Variants in TMEM266 observed in about 807,000 individuals in gnomAD.
TMEM266 encodes the protein Hv1 related protein 1.
Under a neutral mutation model 50.5 loss-of-function variants are expected in TMEM266, and 33 were observed. That is an observed-to-expected ratio of 0.65 (90% CI 0.50 to 0.87). The LOEUF (loss-of-function observed/expected upper bound fraction) is 0.87. Among genes scored for constraint, TMEM266 ranks in the 40% least tolerant of loss-of-function variants. The pLI is 0.00. For missense variants in TMEM266, 655 were observed against 695.1 expected (o/e 0.94, Z 0.65); for synonymous variants, 310 against 292.3 (o/e 1.06, Z -0.62).
chr15:76,153,134 C>CA lies in TMEM266; in HGVS notation c.228-3459dup, dbSNP rs5813821. Among the ~76,000 whole-genome samples, 90,940 of 146,936 alleles carry CA rather than the reference C, an allele frequency of 0.62. 27,789 individuals carry two copies. Among genetic ancestry groups the CA allele is most frequent in the Admixed American group, 0.73 (10,896 of 14,866 alleles). The stretch of plus-strand genomic sequence containing the variant: ...TGATATGGTTAGTAAGTTTCTCTAA[C>CA]AAAAAAAAAAAGAAGAAAAAAACGA... On this transcript the variant is annotated intron_variant, in intron 3 of 10. Transcript: ENST00000388942. The surrounding 1 kb of genome is among the most constrained non-coding windows in gnomAD (Gnocchi z 4.2).
chr15:76,146,901 C>A (rs574160565), intron 3 of TMEM266, among the ~76,000 whole-genome samples: 16 of 152,246 alleles, frequency 1.1e-4, no homozygotes, highest in Admixed American at 7.8e-4. Flanking sequence ...CCTCTCTTTA[C>A]AAGTCGGTCT....
intron 5 of TMEM266, among the ~76,000 whole-genome samples, chr15:76,166,796 G>A (rs543413117): frequency 4.3e-4 from 65 of 152,328 alleles, no homozygotes; most frequent in African/African-American, 1.5e-3. Context: ...AGGTAGAATA[G>A]GGAGTTACTG....
At chr15:76,108,772 A>G (rs552905951) in intron 1 of TMEM266, among the ~76,000 whole-genome samples, 3 of 152,284 alleles carry the variant, frequency 2.0e-5, no homozygotes, top group African/African-American at 7.2e-5. Context: ...TCATGTTTCC[A>G]TGTGAAAACC....
chr15:76,081,572 G>A (rs910221494), intron 1 of TMEM266, among the ~76,000 whole-genome samples: 2 of 152,200 alleles, frequency 1.3e-5, no homozygotes, highest in Non-Finnish European at 2.9e-5. Context: ...GCTCCTCGCG[G>A]TTGAGTCCTT....
At chr15:76,098,462 A>G (rs2036953078) in intron 1 of TMEM266, among the ~76,000 whole-genome samples, 1 of 152,106 alleles carries the variant, frequency 6.6e-6, no homozygotes, top group Non-Finnish European at 1.5e-5. Flanking sequence ...GCCTCGTCCC[A>G]GAGGGGCACC....
At position 76,123,713 on chromosome 15, in the gene TMEM266, CT is replaced by C. The variant is rs573502236; in HGVS notation, c.-96-10444del. Among the ~76,000 whole-genome samples, 25 of 147,338 alleles carry C rather than the reference CT, an allele frequency of 1.7e-4. 1 individual carries two copies. Among genetic ancestry groups the C allele is most frequent in the Middle Eastern group, 3.6e-3 (1 of 280 alleles). On this transcript the variant is annotated intron_variant, in intron 1 of 10. Transcript: ENST00000388942. ...ATATGCCTATCCCCAAGGGATGAATCTTTTTTTTTTTGAGATGGAGTCTTGC... is the reference window on the plus strand; with the variant it reads ...ATATGCCTATCCCCAAGGGATGAATCTTTTTTTTTTGAGATGGAGTCTTGC...
At chr15:76,103,580 A>G (rs996778079) in intron 1 of TMEM266, among the ~76,000 whole-genome samples, 1 of 152,098 alleles carries the variant, frequency 6.6e-6, no homozygotes, top group African/African-American at 2.4e-5. Context: ...CGGGAGTTGG[A>G]TCCACAAGTT....
chr15:76,064,221 CT>C (rs994054880), intron 1 of TMEM266, among the ~76,000 whole-genome samples: 32 of 152,312 alleles, frequency 2.1e-4, no homozygotes, highest in African/African-American at 7.5e-4. Context: ...AATCCTTGCA[CT>C]GCCTGCATTA....
chr15:76,123,660 G>A (rs1340299167), intron 1 of TMEM266, among the ~76,000 whole-genome samples: 2 of 152,004 alleles, frequency 1.3e-5, no homozygotes, highest in African/African-American at 4.8e-5. Context: ...TCCTTGCTAA[G>A]ACAACCGAGA....
At chr15:76,193,060 G>C (rs757605236) in intron 9 of TMEM266, among the ~76,000 whole-genome samples, 77 of 152,228 alleles carry the variant, frequency 5.1e-4, no homozygotes, top group Non-Finnish European at 9.0e-4. Context: ...CTGAGCTCCA[G>C]CCTCTGCCAC....
chr15:76,152,168 G>A (rs978713635), intron 3 of TMEM266, among the ~76,000 whole-genome samples: 2 of 152,186 alleles, frequency 1.3e-5, no homozygotes, highest in African/African-American at 4.8e-5. Flanking sequence ...GTGGTCTTCT[G>A]TCCTTCCACT....
chr15:76,186,335 T>C (rs1156259428), intron 8 of TMEM266, among the ~76,000 whole-genome samples: 1 of 152,158 alleles, frequency 6.6e-6, no homozygotes, highest in African/African-American at 2.4e-5. Context: ...ATGATAAGCA[T>C]AGGAGGAGCC....
intron 1 of TMEM266, among the ~76,000 whole-genome samples, chr15:76,077,959 T>C (rs963881007): frequency 1.3e-5 from 2 of 152,096 alleles, no homozygotes; most frequent in Non-Finnish European, 2.9e-5. Context: ...CCCAATACTT[T>C]AGCCAAGGTG....
chr15:76,114,676 T>G (rs746533825), intron 1 of TMEM266, among the ~76,000 whole-genome samples: 1 of 152,210 alleles, frequency 6.6e-6, no homozygotes. Context: ...TTTTTATAGT[T>G]TTTTGTCTTC....
At chr15:76,076,689 G>A (rs1472040737) in intron 1 of TMEM266, among the ~76,000 whole-genome samples, 1 of 152,012 alleles carries the variant, frequency 6.6e-6, no homozygotes, top group Non-Finnish European at 1.5e-5. Context: ...GGAGGGTAAG[G>A]AACTGTCATG....
At chr15:76,073,227 G>A (rs1270994013) in intron 1 of TMEM266, among the ~76,000 whole-genome samples, 4 of 129,876 alleles carry the variant, frequency 3.1e-5, no homozygotes, top group Non-Finnish European at 4.8e-5. Flanking sequence ...CACCTTGCCC[G>A]GCCTTCTTTT....
At chr15:76,124,867 A>G (rs2037395820) in intron 1 of TMEM266, among the ~76,000 whole-genome samples, 2 of 152,074 alleles carry the variant, frequency 1.3e-5, no homozygotes, top group Non-Finnish European at 2.9e-5. Context: ...ATGGAACCAC[A>G]AAAGACCCCA....
At chr15:76,092,096 A>G (rs1375441188) in intron 1 of TMEM266, among the ~76,000 whole-genome samples, 2 of 152,112 alleles carry the variant, frequency 1.3e-5, no homozygotes, top group Non-Finnish European at 1.5e-5. Flanking sequence ...GATAGAGTAT[A>G]AGAAAAAAAG....
chr15:76,110,992 G>A (rs1420651038), intron 1 of TMEM266, among the ~76,000 whole-genome samples: 1 of 152,180 alleles, frequency 6.6e-6, no homozygotes, highest in Non-Finnish European at 1.5e-5. Flanking sequence ...ACCAGATGCT[G>A]GTGAGGATGT....
Sources: allele counts gnomAD v4.1 joint callset (sites outside exome capture counted in the v4.1 genomes callset), GRCh38; gene constraint gnomAD v4.1.1; non-coding constraint Gnocchi (gnomAD v3.1); transcripts MANE v1.5; gene names NCBI Gene and HGNC (gene_info 2026-07-23, HGNC 2026-07-21).